Variants in PIK3R5 observed in about 807,000 individuals in gnomAD.
PIK3R5 encodes the protein phosphoinositide-3-kinase regulatory subunit 5, also known as phosphoinositide 3-kinase regulatory subunit 5.
In PIK3R5, 32 loss-of-function variants were observed where a neutral mutation model predicts 94.9. The observed-to-expected ratio is 0.34, with a 90% CI of 0.25 to 0.45. The LOEUF (loss-of-function observed/expected upper bound fraction) is 0.45. PIK3R5 is among the 20% of genes least tolerant of loss of function. The pLI, the probability that PIK3R5 is intolerant of heterozygous loss-of-function variation, is 1.00. For missense variants in PIK3R5, 853 were observed against 1,144.6 expected (o/e 0.75, Z 3.68); for synonymous variants, 443 against 479.4 (o/e 0.92, Z 0.99).
At chr17:8,936,801 A>T (rs1227762149) in intron 1 of PIK3R5, among the ~76,000 whole-genome samples, 1 of 152,208 alleles carries the variant, frequency 6.6e-6, no homozygotes, top group East Asian at 1.9e-4. Context: ...AAAGTAATTT[A>T]TTGGAGTCTT....
In PIK3R5 at chr17:8,955,196, C is replaced by T. The variant is rs573779647; in HGVS notation, c.-14+10400G>A. 6.6e-6 allele frequency among the ~76,000 whole-genome samples: 1 copy of T among 152,276 alleles called. No individual in the cohort carries two copies. Among genetic ancestry groups the T allele is most frequent in the South Asian group, 2.1e-4 (1 of 4,812 alleles). ...TCAGATGGGGAGCAGCCCAGCCTGC[C>T]CGATCATCAGTCATCCAAGGCTGAG... On this transcript the variant is annotated intron_variant, in intron 1 of 18. Transcript: ENST00000447110. The surrounding 1 kb of genome is among the most constrained non-coding windows in gnomAD (Gnocchi z 4.4).
At chr17:8,902,875 G>A (rs1251982403) in intron 5 of PIK3R5, among the ~76,000 whole-genome samples, 3 of 132,494 alleles carry the variant, frequency 2.3e-5, no homozygotes, top group Non-Finnish European at 4.7e-5. Flanking sequence ...ACAGAGTTTC[G>A]CTCTTGTTGC....
intron 12 of PIK3R5, 90 bp from the exon 13 acceptor site, chr17:8,886,695 A>G: frequency 7.1e-7 from 1 of 1,415,538 alleles, no homozygotes; most frequent in East Asian, 2.3e-5. Flanking sequence ...GAGAGAAGAG[A>G]GACATAGAGG....
chr17:8,926,075 A>G (rs978616079), intron 1 of PIK3R5, among the ~76,000 whole-genome samples: 1 of 152,226 alleles, frequency 6.6e-6, no homozygotes, highest in Non-Finnish European at 1.5e-5. Flanking sequence ...GAGAAGATGC[A>G]GCTCATGAGC....
chr17:8,939,934 C>T (rs548166710), intron 1 of PIK3R5, among the ~76,000 whole-genome samples: 8 of 152,338 alleles, frequency 5.3e-5, no homozygotes, highest in Admixed American at 2.6e-4. Flanking sequence ...CTGGAAAGCT[C>T]CAAATAGAGT....
Position 8,888,085 on chromosome 17 carries a change from G to C in PIK3R5, c.1616+86C>G. Reference sequence around the variant, plus strand: ...AATAAGGGAACTTTTGGTTCCTCTGGGGCCCTAAGCCTCAGGCCCCAGATT... The same window carrying C: ...AATAAGGGAACTTTTGGTTCCTCTGCGGCCCTAAGCCTCAGGCCCCAGATT... On this transcript the variant is annotated intron_variant, in intron 10 of 18. Transcript: ENST00000447110. This position sits in a 1 kb window ranked among gnomAD's most constrained non-coding sequence, Gnocchi z 7.8. 1 of 1,005,114 alleles carries C rather than the reference G, an allele frequency of 9.9e-7. No individual in the cohort carries two copies. Among genetic ancestry groups the C allele is most frequent in the South Asian group, 1.6e-5 (1 of 62,082 alleles). The allele number at this position is 1,005,114 out of a possible 1,614,324, so 62.3% of individuals were successfully genotyped here. A position where few individuals can be genotyped will look rare whatever the true frequency, so the allele number is the denominator to read the frequency against.
Position 8,889,122 on chromosome 17 carries a change from G to A in PIK3R5, c.895+17C>T, listed in dbSNP as rs953792596. ...GCAGTGTGGGGCATGGGTGTCACCAGGGCCCCGGCTCCTTACCAAAGCTGT... is the reference window on the plus strand; with the variant it reads ...GCAGTGTGGGGCATGGGTGTCACCAAGGCCCCGGCTCCTTACCAAAGCTGT... On this transcript the variant is annotated intron_variant, in intron 9 of 18. Coordinates refer to ENST00000447110, the MANE Select transcript of PIK3R5 (RefSeq NM_001142633.3). This position sits in a 1 kb window ranked among gnomAD's most constrained non-coding sequence, Gnocchi z 4.1. The A allele has an allele frequency of 6.2e-6, 10 of 1,609,508 alleles. No homozygotes were observed. Among genetic ancestry groups the A allele is most frequent in the Non-Finnish European group, 8.5e-6 (10 of 1,177,196 alleles).
At chr17:8,901,559 G>T (rs1482094118) in intron 5 of PIK3R5, among the ~76,000 whole-genome samples, 1 of 152,200 alleles carries the variant, frequency 6.6e-6, no homozygotes, top group Non-Finnish European at 1.5e-5. Context: ...GGGTCCATAA[G>T]TTGTTGGGGA....
At chr17:8,895,620 T>A (rs369674562) in intron 5 of PIK3R5, among the ~76,000 whole-genome samples, 16 of 152,202 alleles carry the variant, frequency 1.1e-4, no homozygotes, top group African/African-American at 3.9e-4. Flanking sequence ...AGCTCCTTCG[T>A]CTCCTCTTGT....
Position 8,962,039 on chromosome 17 carries a change from G to A in PIK3R5, c.-14+3557C>T, listed in dbSNP as rs146209234. ...CCAAATTGTGTTGTATGGGGCATGC[G>A]CTTGACACCCACAGGAACACCTAGG... is the stretch of plus-strand genomic sequence containing the variant. On this transcript the variant is annotated intron_variant, in intron 1 of 18. Transcript: ENST00000447110. Among the ~76,000 whole-genome samples, 826 of 152,320 alleles carry A rather than the reference G, an allele frequency of 5.4e-3. 4 individuals carry two copies. Among genetic ancestry groups the A allele is most frequent in the African/African-American group, 0.019 (790 of 41,568 alleles).
Position 8,881,106 on chromosome 17 carries a change from A to G in PIK3R5, c.2383-89T>C. The G allele has an allele frequency of 1.0e-6, 1 of 959,890 alleles. No homozygotes were observed. Among genetic ancestry groups the G allele is most frequent in the Non-Finnish European group, 1.7e-6 (1 of 591,292 alleles). The allele number at this position is 959,890 out of a possible 1,614,324, so 59.5% of individuals were successfully genotyped here. ...TTCCTTTTCTCAGAACTGCCCATCC[A>G]CTTCTAGGGGTGTGGGAGGGCAGGG... On this transcript the variant is annotated intron_variant, in intron 17 of 18. Coordinates refer to ENST00000447110, the MANE Select transcript of PIK3R5 (RefSeq NM_001142633.3). The surrounding 1 kb of genome is among the most constrained non-coding windows in gnomAD (Gnocchi z 4.8).
At chr17:8,950,601 T>C (rs1013313335) in intron 1 of PIK3R5, among the ~76,000 whole-genome samples, 3 of 152,236 alleles carry the variant, frequency 2.0e-5, no homozygotes, top group East Asian at 1.9e-4. Flanking sequence ...TCCAGCTCCA[T>C]CCATGTTGCT....
Position 8,886,540 on chromosome 17 carries a change from G to C in PIK3R5, c.1971C>G (p.Asp657Glu). The C allele has an allele frequency of 6.2e-7, 1 of 1,612,586 alleles. No homozygotes were observed. Among genetic ancestry groups the C allele is most frequent in the Middle Eastern group, 1.6e-4 (1 of 6,062 alleles). The stretch of plus-strand genomic sequence containing the variant: ...CAAAGCGGCAGTAGTAGAGTAGCAT[G>C]TCAGCCAGGATGGGCAGCTGGGTTG... ...GSPTQLPILA[D>E]MLLYYCRFAA... is the part of the protein sequence containing the mutation. Residue 657 changes from aspartate (D) to glutamate (E), a missense_variant, in exon 13 of 19, where the codon GAC becomes GAG. Asp to Glu is a conservative substitution (Grantham distance 45, BLOSUM62 2). Coordinates refer to ENST00000447110, the MANE Select transcript of PIK3R5 (RefSeq NM_001142633.3).
Position 8,904,234 on chromosome 17 carries a change from C to T in PIK3R5, c.412+543G>A, listed in dbSNP as rs1336262278. Among the ~76,000 whole-genome samples the T allele has an allele frequency of 2.6e-5, 4 of 152,208 alleles. No individual in the cohort carries two copies. Among genetic ancestry groups the T allele is most frequent in the Non-Finnish European group, 4.4e-5 (3 of 68,034 alleles). On this transcript the variant is annotated intron_variant, in intron 5 of 18. Transcript: ENST00000447110. This position sits in a 1 kb window ranked among gnomAD's most constrained non-coding sequence, Gnocchi z 5.1. ...CTGATTTGCATGTCTATGACAGCAC[C>T]TGCAATTTCTGAAGAATTCTTACTT...
Position 8,911,031 on chromosome 17 carries a change from GAAAC to G in PIK3R5, c.103+357_103+360del, listed in dbSNP as rs948827869. Among the ~76,000 whole-genome samples, 6 of 152,180 alleles carry G rather than the reference GAAAC, an allele frequency of 3.9e-5. No individual in the cohort carries two copies. The highest frequency in any genetic ancestry group is 9.7e-5 in the African/African-American group (4 of 41,446). On this transcript the variant is annotated intron_variant, in intron 2 of 18. Coordinates refer to ENST00000447110, the MANE Select transcript of PIK3R5 (RefSeq NM_001142633.3). The surrounding 1 kb of genome is among the most constrained non-coding windows in gnomAD (Gnocchi z 5.3). ...GGAGGATAGGACTATGAGGGAACTA[GAAAC>G]AAACAAACAGGAGAATTCTGGGGAG...
chr17:8,923,936 G>T (rs985370857), intron 1 of PIK3R5, among the ~76,000 whole-genome samples: 2 of 114,518 alleles, frequency 1.7e-5, no homozygotes, highest in African/African-American at 7.0e-5. Flanking sequence ...ACAGGGTCTT[G>T]CTCTGCCTCC....
chr17:8,902,869 A>T, intron 5 of PIK3R5, among the ~76,000 whole-genome samples: 1 of 144,676 alleles, frequency 6.9e-6, no homozygotes, highest in Non-Finnish European at 1.5e-5. Flanking sequence ...TTTGAGACAG[A>T]GTTTCGCTCT....
chr17:8,883,519 G>A (rs567455725), intron 15 of PIK3R5, among the ~76,000 whole-genome samples: 4 of 152,302 alleles, frequency 2.6e-5, no homozygotes, highest in Admixed American at 2.0e-4. Context: ...GTGCTTCAAG[G>A]TGTTCACACT....
In PIK3R5 at chr17:8,889,009, C is replaced by G; in HGVS notation, c.896-118G>C. On this transcript the variant is annotated intron_variant, in intron 9 of 18. Transcript: ENST00000447110. The surrounding 1 kb of genome is among the most constrained non-coding windows in gnomAD (Gnocchi z 4.1). ...CAGCCCAGGACTCCTAGCACTGCCC[C>G]CTTGCTCTGCTTAGAGCCTGCTCAT... 6.6e-7 allele frequency: 1 copy of G among 1,510,972 alleles called. No homozygotes were observed. The highest frequency in any genetic ancestry group is 1.3e-5 in the South Asian group (1 of 78,006). 93.6% of individuals were successfully genotyped at this position (1,510,972 alleles called of 1,614,324 possible).
Sources: allele counts gnomAD v4.1 joint callset (sites outside exome capture counted in the v4.1 genomes callset), GRCh38; gene constraint gnomAD v4.1.1; non-coding constraint Gnocchi (gnomAD v3.1); transcripts MANE v1.5; gene names NCBI Gene and HGNC (gene_info 2026-07-23, HGNC 2026-07-21).